Variants in ZNF442 observed in about 807,000 individuals in gnomAD.
The protein encoded by ZNF442 is zinc finger protein 442.
A neutral mutation model predicts 57.0 loss-of-function variants in ZNF442; 45 were observed. That is an observed-to-expected ratio of 0.79 (90% CI 0.62 to 1.01). ZNF442 has a LOEUF of 1.01. ZNF442 is among the 50% of genes least tolerant of loss of function. The pLI, the probability that ZNF442 is intolerant of heterozygous loss-of-function variation, is 0.00. For synonymous variants in ZNF442, 213 were observed against 241.8 expected, an observed-to-expected ratio of 0.88 and a Z score of 1.10; for missense variants, 690 against 756.5, an observed-to-expected ratio of 0.91 and a Z score of 1.03.
chr19:12,353,097 C>T lies in ZNF442; in HGVS notation c.96G>A (p.Glu32=), dbSNP rs919764314. ...ERKQYDSVAF[E]DVAVNFTQEE... ...CCTGGGTGAAGTTCACCGCCACATC[C>T]TCAAAGGCTACTGAATCCTGAAACA... The change falls in exon 4 of 6, where the codon GAG becomes GAA. Residue 32 remains glutamate (E), a synonymous_variant. Coordinates refer to ENST00000242804, the MANE Select transcript of ZNF442 (RefSeq NM_030824.3). 1.2e-6 allele frequency: 2 copies of T among 1,612,040 alleles called. No homozygotes were observed. The highest frequency in any genetic ancestry group is 1.7e-6 in the Non-Finnish European group (2 of 1,179,430).
chr19:12,360,074 T>C (rs1435022876), intron 3 of ZNF442, among the ~76,000 whole-genome samples: 1 of 152,180 alleles, frequency 6.6e-6, no homozygotes, highest in Admixed American at 6.5e-5. Context: ...AGAAAAGAAC[T>C]TTTCTGCCCA....
At position 12,349,616 on chromosome 19, in the gene ZNF442, G is replaced by C; in HGVS notation, c.*85C>G. 4 of 1,341,638 alleles carry C rather than the reference G, an allele frequency of 3.0e-6. No homozygotes were observed. The Admixed American group carries it at 7.1e-5, about 24-fold the overall frequency. 83.1% of individuals were successfully genotyped at this position (1,341,638 alleles called of 1,614,324 possible). A position where few individuals can be genotyped will look rare whatever the true frequency, so the allele number is the denominator to read the frequency against. ...AAGAAACATCTTAAGGCTTTACCAT[G>C]TGTTTGCATTCATGAGGCTTATCTC... On this transcript the variant is annotated 3_prime_UTR_variant, in exon 6 of 6. Coordinates refer to ENST00000242804, the MANE Select transcript of ZNF442 (RefSeq NM_030824.3).
Position 12,362,113 on chromosome 19 carries a change from C to A in ZNF442, c.78+1441G>T, listed in dbSNP as rs193100984. On this transcript the variant is annotated intron_variant, in intron 3 of 5. Coordinates refer to ENST00000242804, the MANE Select transcript of ZNF442 (RefSeq NM_030824.3). Reference sequence around the variant, plus strand: ...CGCCTGCCTTGGCCTCCCAAAGTGCCGAGATTGCAGCCTCTGCCTGGCTGC... The same window carrying A: ...CGCCTGCCTTGGCCTCCCAAAGTGCAGAGATTGCAGCCTCTGCCTGGCTGC... Among the ~76,000 whole-genome samples the A allele has an allele frequency of 5.6e-3, 857 of 152,316 alleles. 6 individuals are homozygous for A. Among genetic ancestry groups the A allele is most frequent in the African/African-American group, 0.019 (808 of 41,564 alleles).
chr19:12,365,595 T>C lies in ZNF442; in HGVS notation c.-545A>G. 1 of 356,578 alleles carries C rather than the reference T, an allele frequency of 2.8e-6. No individual in the cohort carries two copies. The highest frequency in any genetic ancestry group is 5.4e-6 in the Non-Finnish European group (1 of 186,330). 22.1% of individuals were successfully genotyped at this position (356,578 alleles called of 1,614,324 possible). On this transcript the variant is annotated 5_prime_UTR_variant, in exon 1 of 6. Transcript: ENST00000242804. Reference sequence around the variant, plus strand: ...AGGTTCCCCGCTGCCAGCATAGGACTCAGCGTGACAGTGCCTGCCACTGAC... The same window carrying C: ...AGGTTCCCCGCTGCCAGCATAGGACCCAGCGTGACAGTGCCTGCCACTGAC...
chr19:12,350,911 C>A lies in ZNF442; in HGVS notation c.674G>T (p.Arg225Leu), dbSNP rs759593423. 3 of 1,613,984 alleles carry A rather than the reference C, an allele frequency of 1.9e-6. No individual in the cohort carries two copies. The South Asian group carries it at 3.3e-5, about 18-fold the overall frequency. ...TCCAGTGTGAGTTCTTTCATGCATA[C>A]GAAATAAACTAGGCCAAAAAAAGGC... ...GKAFFWPSLF[R>L]MHERTHTGEK... The change falls in exon 6 of 6, where the codon CGT becomes CTT. Residue 225 changes from arginine (R) to leucine (L), a missense_variant. Transcript: ENST00000242804.
upstream of ZNF442, among the ~76,000 whole-genome samples, chr19:12,367,145 C>T (rs905243737): frequency 9.9e-5 from 15 of 152,150 alleles, no homozygotes; most frequent in Admixed American, 5.9e-4. Flanking sequence ...AATATTTCAA[C>T]GTAGGTTCTA....
In ZNF442 at chr19:12,350,974, C is replaced by T. The variant is rs1418625829; in HGVS notation, c.611G>A (p.Arg204His). 47 of 1,614,066 alleles carry T rather than the reference C, an allele frequency of 2.9e-5. No homozygotes were observed. In the Middle Eastern group the frequency reaches 8.2e-4, roughly 28 times the overall value. Residue 204 changes from arginine to histidine, a missense_variant, in exon 6 of 6, where the codon CGT (arginine) becomes CAT (histidine). By Grantham distance (29) the Arg-to-His change is conservative. Coordinates refer to ENST00000242804, the MANE Select transcript of ZNF442 (RefSeq NM_030824.3). ...CTTACATATATAAGGTCCACCTCCA[C>T]GTTGTACTATTATGTGTCTTCGAAG... ...GNLRRHIIVQ[R>H]GGGPYICKLC...
At chr19:12,351,967 T>C (rs765692805) in intron 5 of ZNF442, 43 bp downstream of exon 5, 42 of 1,569,066 alleles carry the variant, frequency 2.7e-5, no homozygotes, top group Non-Finnish European at 3.3e-5. Flanking sequence ...ATCCTAAGAA[T>C]TGCTCCACAG....
Position 12,350,319 on chromosome 19 carries a change from T to A in ZNF442, c.1266A>T (p.Gly422=), listed in dbSNP as rs768591943. 1 of 1,613,960 alleles carries A rather than the reference T, an allele frequency of 6.2e-7. No individual in the cohort carries two copies. The highest frequency in any genetic ancestry group is 1.1e-5 in the South Asian group (1 of 91,082). ...KAFIYPSVFQ[G]HERTHTGEKP... ...TCTCACCAGTATGAGTCCTTTCATG[T>A]CCTTGAAATACACTGGGATAAATGA... Residue 422 remains glycine (G), a synonymous_variant, in exon 6 of 6, where the codon GGA becomes GGT. Transcript: ENST00000242804.
chr19:12,356,353 C>G (rs139806021), intron 3 of ZNF442, among the ~76,000 whole-genome samples: 1 of 152,078 alleles, frequency 6.6e-6, no homozygotes, highest in Non-Finnish European at 1.5e-5. Flanking sequence ...AAAGGCCAGG[C>G]GCGGTGGCTC....
chr19:12,361,679 C>T (rs1469775750), intron 3 of ZNF442, among the ~76,000 whole-genome samples: 1 of 149,400 alleles, frequency 6.7e-6, no homozygotes, highest in African/African-American at 2.5e-5. Context: ...TCCCCCTCCC[C>T]CTCTGCCTCC....
Position 12,349,588 on chromosome 19 carries a change from C to G in ZNF442, c.*113G>C. ...CATATGGTTAGGGGATAACCATATT[C>G]AAAAGAAACATCTTAAGGCTTTACC... On this transcript the variant is annotated 3_prime_UTR_variant, in exon 6 of 6. Transcript: ENST00000242804. 8.7e-7 allele frequency: 1 copy of G among 1,145,604 alleles called. No individual in the cohort carries two copies. Among genetic ancestry groups the G allele is most frequent in the Non-Finnish European group, 1.2e-6 (1 of 824,808 alleles). The allele number at this position is 1,145,604 out of a possible 1,614,324, so 71.0% of individuals were successfully genotyped here.
rs117020952 is a variant in ZNF442 at position 12,349,969 on chromosome 19, G to A, written c.1616C>T (p.Thr539Ile). The change falls in exon 6 of 6, where the codon ACT (threonine) becomes ATT (isoleucine). Residue 539 changes from threonine (T) to isoleucine (I), a missense_variant. Thr to Ile is a moderately conservative substitution (Grantham distance 89). Coordinates refer to ENST00000242804, the MANE Select transcript of ZNF442 (RefSeq NM_030824.3). ...GNLKVHERIH[T>I]GEKPYECKEC... The stretch of plus-strand genomic sequence containing the variant: ...CTTACATTCATATGGCTTCTCTCCA[G>A]TGTGAATCCTTTCATGGACTTTTAA... 1 of 1,614,210 alleles carries A rather than the reference G, an allele frequency of 6.2e-7. No homozygotes were observed. The highest frequency in any genetic ancestry group is 8.5e-7 in the Non-Finnish European group (1 of 1,180,036).
At chr19:12,373,713 TTTCA>T in the ZNF442 span, 1 of 263,338 alleles carries the variant, frequency 3.8e-6, no homozygotes, top group African/African-American at 2.2e-5. Context: ...AGGATGTAGG[TTTCA>T]TTAAGTTGGA....
upstream of ZNF442, among the ~76,000 whole-genome samples, chr19:12,368,932 GA>G (rs1225268106): frequency 6.6e-6 from 1 of 152,100 alleles, no homozygotes; most frequent in Non-Finnish European, 1.5e-5. Flanking sequence ...TGCGCAGTGT[GA>G]AAATGCTCTC....
chr19:12,355,448 G>T (rs1407637372), intron 3 of ZNF442, among the ~76,000 whole-genome samples: 1 of 144,564 alleles, frequency 6.9e-6, no homozygotes, highest in Non-Finnish European at 1.5e-5. Flanking sequence ...CACAACCTCC[G>T]CCTCCTGGGC....
intron 3 of ZNF442, 106 bp downstream of exon 3, chr19:12,363,448 C>A: frequency 9.1e-7 from 1 of 1,104,856 alleles, no homozygotes; most frequent in Non-Finnish European, 1.4e-6. Context: ...GACCACCCAC[C>A]ACCACCCCAG....
chr19:12,350,778 G>C lies in ZNF442; in HGVS notation c.807C>G (p.His269Gln), dbSNP rs569767084. The change falls in exon 6 of 6, where the codon CAC becomes CAG. Residue 269 changes from histidine to glutamine, a missense_variant. Coordinates refer to ENST00000242804, the MANE Select transcript of ZNF442 (RefSeq NM_030824.3). ...TGTAATCAGGGAAGGCTTTGGAACA[G>C]TGCTTGCATTCATATGGTTTCTCCC... ...HTGEKPYECK[H>Q]CSKAFPDYSS... is the part of the protein sequence containing the mutation. 9 of 1,613,506 alleles carry C rather than the reference G, an allele frequency of 5.6e-6. No homozygotes were observed. The African/African-American group carries it at 6.7e-5, about 12-fold the overall frequency.
chr19:12,354,291 A>T, intron 3 of ZNF442, among the ~76,000 whole-genome samples: 1 of 152,208 alleles, frequency 6.6e-6, no homozygotes, highest in Non-Finnish European at 1.5e-5. Context: ...AAGACAAAAG[A>T]CTAATAAAAG....
Sources: allele counts gnomAD v4.1 joint callset (sites outside exome capture counted in the v4.1 genomes callset), GRCh38; gene constraint gnomAD v4.1.1; transcripts MANE v1.5; gene names NCBI Gene and HGNC (gene_info 2026-07-23, HGNC 2026-07-21).